DAB1: variants seen among roughly 807,000 people sequenced by gnomAD.
DAB1 encodes the protein disabled homolog 1.
A neutral mutation model predicts 64.6 loss-of-function variants in DAB1; 15 were observed. The ratio of observed to expected loss-of-function variants is 0.23; its 90% CI spans 0.16 to 0.36. The LOEUF (loss-of-function observed/expected upper bound fraction) is 0.36, where lower values mean the gene tolerates loss of function less well. DAB1 is among the 10% of genes least tolerant of loss of function. DAB1 has a pLI of 1.00. For synonymous variants in DAB1, 235 were observed against 251.9 expected, an observed-to-expected ratio of 0.93 and a Z score of 0.64; for missense variants, 596 against 706.7, an observed-to-expected ratio of 0.84 and a Z score of 1.78.
At chr1:57,611,119 G>A (rs562289337) in intron 7 of DAB1, among the ~76,000 whole-genome samples, 12 of 146,340 alleles carry the variant, frequency 8.2e-5, no homozygotes, top group East Asian at 4.0e-4. Flanking sequence ...CACTGTTGGC[G>A]TGCAGTGGCT....
intron 5 of DAB1, among the ~76,000 whole-genome samples, chr1:57,996,220 T>C (rs1646423221): frequency 6.6e-6 from 1 of 152,102 alleles, no homozygotes; most frequent in South Asian, 2.1e-4. Flanking sequence ...GATCGTGCCA[T>C]TGGACTCCAG....
At chr1:58,081,295 G>T (rs1649981178) in intron 5 of DAB1, among the ~76,000 whole-genome samples, 1 of 152,202 alleles carries the variant, frequency 6.6e-6, no homozygotes, top group African/African-American at 2.4e-5. Flanking sequence ...TTGTGACGCA[G>T]CAACAAATAG....
At chr1:57,045,350 C>A (rs1648332430) in intron 9 of DAB1, among the ~76,000 whole-genome samples, 1 of 152,156 alleles carries the variant, frequency 6.6e-6, no homozygotes, top group Non-Finnish European at 1.5e-5. Flanking sequence ...ACTGTGGAAA[C>A]AGCAACATAG....
chr1:57,401,344 G>A (rs1402735886), intron 1 of DAB1, among the ~76,000 whole-genome samples: 1 of 152,122 alleles, frequency 6.6e-6, no homozygotes, highest in Non-Finnish European at 1.5e-5. Flanking sequence ...TCATGTGGTT[G>A]CTAAATATTT....
chr1:57,795,700 T>G (rs1393754301), intron 6 of DAB1, among the ~76,000 whole-genome samples: 11 of 75,946 alleles, frequency 1.4e-4, no homozygotes, highest in African/African-American at 6.8e-4. Context: ...GATATATATA[T>G]ATATATATAT....
At chr1:58,441,457 AAACCC>A (rs1557762289) in intron 3 of DAB1, among the ~76,000 whole-genome samples, 1 of 152,218 alleles carries the variant, frequency 6.6e-6, no homozygotes, top group Non-Finnish European at 1.5e-5. Context: ...TCTAGAGATC[AAACCC>A]AAGGTCGAGT....
intron 1 of DAB1, among the ~76,000 whole-genome samples, chr1:57,832,174 A>T (rs1002273239): frequency 2.0e-5 from 3 of 152,232 alleles, no homozygotes; most frequent in African/African-American, 7.2e-5. Context: ...AGTGTCACAG[A>T]AAGCATCTTT....
intron 5 of DAB1, among the ~76,000 whole-genome samples, chr1:58,137,624 C>T (rs372150794): frequency 6.6e-6 from 1 of 152,180 alleles, no homozygotes; most frequent in Admixed American, 6.6e-5. Flanking sequence ...ATTTATTCAA[C>T]CATTGATTCA....
At chr1:57,912,021 C>T (rs761197818) in intron 5 of DAB1, among the ~76,000 whole-genome samples, 15 of 152,266 alleles carry the variant, frequency 9.9e-5, no homozygotes, top group Middle Eastern at 3.4e-3. Context: ...GACTGATATA[C>T]GTCCAGCGCA....
intron 1 of DAB1, among the ~76,000 whole-genome samples, chr1:57,370,046 C>T (rs1031055422): frequency 5.3e-5 from 8 of 152,158 alleles, no homozygotes; most frequent in African/African-American, 1.9e-4. Context: ...CCATCACATT[C>T]CCCGGTATCA....
intron 6 of DAB1, among the ~76,000 whole-genome samples, chr1:57,788,232 G>A (rs946155789): frequency 6.6e-6 from 1 of 152,158 alleles, no homozygotes; most frequent in Non-Finnish European, 1.5e-5. Flanking sequence ...AATATTTATA[G>A]TAGCTGTATT....
At chr1:57,957,477 A>C (rs1281050473) in intron 5 of DAB1, among the ~76,000 whole-genome samples, 3 of 152,218 alleles carry the variant, frequency 2.0e-5, no homozygotes, top group African/African-American at 7.2e-5. Flanking sequence ...TGAGATATAT[A>C]TTAGACATTC....
chr1:58,277,725 G>C (rs1285396762), intron 4 of DAB1, among the ~76,000 whole-genome samples: 1 of 152,156 alleles, frequency 6.6e-6, no homozygotes, highest in East Asian at 1.9e-4. Context: ...AATTAACAAA[G>C]GATGCTCTTC....
intron 2 of DAB1, among the ~76,000 whole-genome samples, chr1:57,235,186 C>T (rs941952152): frequency 6.6e-6 from 1 of 152,142 alleles, no homozygotes; most frequent in Non-Finnish European, 1.5e-5. Flanking sequence ...CTCTGAATTT[C>T]GGTTGGACTC....
At chr1:57,704,270 T>C (rs1646939989) in intron 6 of DAB1, among the ~76,000 whole-genome samples, 1 of 152,184 alleles carries the variant, frequency 6.6e-6, no homozygotes, top group East Asian at 1.9e-4. Flanking sequence ...TAAATTCCTC[T>C]GTTGTAGCAA....
chr1:57,626,055 G>C (rs1157106491), intron 7 of DAB1, among the ~76,000 whole-genome samples: 1 of 152,108 alleles, frequency 6.6e-6, no homozygotes, highest in Non-Finnish European at 1.5e-5. Flanking sequence ...GGATCATTTA[G>C]ATTTAGGTAA....
chr1:58,374,500 C>T (rs200031158), intron 3 of DAB1, among the ~76,000 whole-genome samples: 28,270 of 151,506 alleles, frequency 0.19, 2,761 homozygotes, highest in South Asian at 0.21. Context: ...AGGTAAGCAG[C>T]GTTATTTCTG....
intron 4 of DAB1, among the ~76,000 whole-genome samples, chr1:57,080,772 A>C (rs554212453): frequency 1.3e-5 from 2 of 151,972 alleles, no homozygotes; most frequent in African/African-American, 4.8e-5. Flanking sequence ...ACACACACAC[A>C]CACCTTAAAT....
chr1:57,463,730 T>C (rs1386275582), intron 7 of DAB1, among the ~76,000 whole-genome samples: 1 of 152,212 alleles, frequency 6.6e-6, no homozygotes, highest in South Asian at 2.1e-4. Flanking sequence ...CTCTACTGCA[T>C]ACTCTTCTGT....
Sources: allele counts gnomAD v4.1 joint callset (sites outside exome capture counted in the v4.1 genomes callset), GRCh38; gene constraint gnomAD v4.1.1; transcripts MANE v1.5; gene names NCBI Gene and HGNC (gene_info 2026-07-23, HGNC 2026-07-21).